RBMS1: variants seen among roughly 807,000 people sequenced by gnomAD.
RBMS1 encodes the protein RNA-binding motif, single-stranded-interacting protein 1.
A neutral mutation model predicts 62.3 loss-of-function variants in RBMS1; 17 were observed. The observed-to-expected ratio is 0.27, with a 90% CI of 0.19 to 0.41. The LOEUF (loss-of-function observed/expected upper bound fraction) is 0.41, where lower values mean the gene tolerates loss of function less well. Among genes scored for constraint, RBMS1 ranks in the 10% least tolerant of loss-of-function variants. The pLI, the probability that RBMS1 is intolerant of heterozygous loss-of-function variation, is 1.00. For synonymous variants in RBMS1, 172 were observed against 170.0 expected (o/e 1.01, Z -0.09); for missense variants, 334 against 504.5 (o/e 0.66, Z 3.24).
intron 1 of RBMS1, among the ~76,000 whole-genome samples, chr2:160,431,618 A>G (rs1281941952): frequency 1.3e-5 from 2 of 151,748 alleles, no homozygotes; most frequent in African/African-American, 4.9e-5. Flanking sequence ...ACTCATACTT[A>G]TTTCTCCAGT....
At chr2:160,424,365 T>G (rs1015288590) in intron 1 of RBMS1, among the ~76,000 whole-genome samples, 2,494 of 140,748 alleles carry the variant, frequency 0.018, 49 homozygotes, top group South Asian at 0.039. Context: ...GGTGAGAGAT[T>G]GGGGGGGGGG....
At chr2:160,281,990 G>A (rs986856160) in intron 9 of RBMS1, 1 of 308,166 alleles carries the variant, frequency 3.2e-6, no homozygotes, top group Non-Finnish European at 6.5e-6. Context: ...CATCCACACA[G>A]TAGACCCTCT....
At chr2:160,374,728 G>A (rs924797900) in intron 1 of RBMS1, among the ~76,000 whole-genome samples, 9 of 152,072 alleles carry the variant, frequency 5.9e-5, no homozygotes, top group Non-Finnish European at 8.8e-5. Context: ...TCGGGAGTTC[G>A]AGACCAGCCT....
intron 3 of RBMS1, among the ~76,000 whole-genome samples, chr2:160,316,261 C>CCACT (rs1690215678): frequency 6.6e-6 from 1 of 152,110 alleles, no homozygotes; most frequent in Non-Finnish European, 1.5e-5. Flanking sequence ...CTTACCCTCT[C>CCACT]CACTCACTCA....
chr2:160,346,638 A>G (rs1057345174), intron 2 of RBMS1, among the ~76,000 whole-genome samples: 4 of 152,290 alleles, frequency 2.6e-5, no homozygotes, highest in Middle Eastern at 3.4e-3. Flanking sequence ...CCAGCAAGCA[A>G]TAGGTGCTAC....
At chr2:160,336,234 G>T (rs1037910729) in intron 2 of RBMS1, among the ~76,000 whole-genome samples, 2 of 152,198 alleles carry the variant, frequency 1.3e-5, no homozygotes, top group Non-Finnish European at 2.9e-5. Context: ...CAAAAGCTAA[G>T]TCATTTCTCC....
At position 160,365,615 on chromosome 2, in the gene RBMS1, C is replaced by T. The variant is rs182099410; in HGVS notation, c.251+1601G>A. On this transcript the variant is annotated intron_variant, in intron 2 of 13. Coordinates refer to ENST00000348849, the MANE Select transcript of RBMS1 (RefSeq NM_016836.4). ...TCCAGTATTTTAGGGTTAACTGTCT[C>T]CTTGACATCAAAACTCACCCTACAT... is the stretch of plus-strand genomic sequence containing the variant. Among the ~76,000 whole-genome samples the T allele has an allele frequency of 2.7e-3, 415 of 152,296 alleles. 1 individual carries two copies. Among genetic ancestry groups the T allele is most frequent in the African/African-American group, 9.3e-3 (385 of 41,548 alleles).
At chr2:160,327,096 T>G (rs1316381496) in intron 2 of RBMS1, among the ~76,000 whole-genome samples, 1 of 152,238 alleles carries the variant, frequency 6.6e-6, no homozygotes, top group African/African-American at 2.4e-5. Context: ...TGATGAAGAC[T>G]GAATTACAGA....
intron 3 of RBMS1, 115 bp from the exon 4 acceptor site, chr2:160,313,362 A>C: frequency 2.0e-6 from 2 of 977,968 alleles, no homozygotes; most frequent in East Asian, 2.8e-5. Context: ...AAATGTCCTG[A>C]GGGAGCTCAG....
At chr2:160,362,602 G>C (rs1223619898) in intron 2 of RBMS1, among the ~76,000 whole-genome samples, 1 of 152,032 alleles carries the variant, frequency 6.6e-6, no homozygotes, top group Non-Finnish European at 1.5e-5. Context: ...CCAAAACAAT[G>C]AACATTAAAG....
chr2:160,323,039 TG>T (rs1238225220), intron 2 of RBMS1, among the ~76,000 whole-genome samples: 1 of 152,162 alleles, frequency 6.6e-6, no homozygotes, highest in African/African-American at 2.4e-5. Flanking sequence ...GAGGGGGAGC[TG>T]TTATAGACAG....
chr2:160,329,972 AT>A (rs1204031328), intron 2 of RBMS1, among the ~76,000 whole-genome samples: 1 of 152,108 alleles, frequency 6.6e-6, no homozygotes, highest in Non-Finnish European at 1.5e-5. Flanking sequence ...GGATTAGTAA[AT>A]AGAAGGTCAG....
intron 1 of RBMS1, among the ~76,000 whole-genome samples, chr2:160,423,845 G>C (rs1241041551): frequency 6.6e-6 from 1 of 151,976 alleles, no homozygotes; most frequent in Non-Finnish European, 1.5e-5. Context: ...AAACTGGTGT[G>C]CCCCACCAAG....
At chr2:160,438,330 G>A (rs1221475312) in intron 1 of RBMS1, among the ~76,000 whole-genome samples, 1 of 150,846 alleles carries the variant, frequency 6.6e-6, no homozygotes, top group Non-Finnish European at 1.5e-5. Context: ...AGGGTCACAG[G>A]ACAATAGTGG....
At chr2:160,333,555 T>C (rs1691397937) in intron 2 of RBMS1, among the ~76,000 whole-genome samples, 1 of 152,144 alleles carries the variant, frequency 6.6e-6, no homozygotes, top group Non-Finnish European at 1.5e-5. Flanking sequence ...TCCAGGCCCC[T>C]GCTTGTTTCC....
intron 1 of RBMS1, among the ~76,000 whole-genome samples, chr2:160,473,495 T>C (rs1198709620): frequency 2.0e-5 from 3 of 152,170 alleles, no homozygotes; most frequent in Admixed American, 2.0e-4. Flanking sequence ...TTCTGTGCTA[T>C]GATTAAGGAG....
chr2:160,316,107 T>A (rs1690205341), intron 3 of RBMS1, among the ~76,000 whole-genome samples: 1 of 152,222 alleles, frequency 6.6e-6, no homozygotes, highest in Non-Finnish European at 1.5e-5. Context: ...TATCAATCAG[T>A]CATCTATATG....
intron 1 of RBMS1, among the ~76,000 whole-genome samples, chr2:160,448,950 C>T (rs1056906983): frequency 1.3e-5 from 2 of 151,900 alleles, no homozygotes; most frequent in African/African-American, 2.4e-5. Flanking sequence ...GTCGCCATCC[C>T]GTCTGGGAAC....
intron 3 of RBMS1, among the ~76,000 whole-genome samples, chr2:160,315,634 C>T (rs1433460640): frequency 6.6e-6 from 1 of 152,184 alleles, no homozygotes; most frequent in African/African-American, 2.4e-5. Flanking sequence ...TCTAATTCAT[C>T]CTGAAACTAT....
Sources: allele counts gnomAD v4.1 joint callset (sites outside exome capture counted in the v4.1 genomes callset), GRCh38; gene constraint gnomAD v4.1.1; transcripts MANE v1.5; gene names NCBI Gene and HGNC (gene_info 2026-07-23, HGNC 2026-07-21).